The following CADPS variants were observed in gnomAD, a reference collection of about 807,000 sequenced individuals.
CADPS encodes calcium dependent secretion activator.
Under a neutral mutation model 167.3 loss-of-function variants are expected in CADPS, and 57 were observed. The observed-to-expected ratio is 0.34, with a 90% confidence interval of 0.28 to 0.42. The LOEUF is 0.42. Among genes scored for constraint, CADPS ranks in the 20% least tolerant of loss-of-function variants. The probability of loss-of-function intolerance (pLI) is 1.00; values close to 1 mark genes in which losing one functional copy is unlikely to be tolerated. For missense variants in CADPS, 1,414 were observed against 1,738.1 expected (o/e 0.81, Z 3.32); for synonymous variants, 676 against 635.3 (o/e 1.06, Z -0.96).
intron 1 of CADPS, among the ~76,000 whole-genome samples, chr3:62,813,195 C>T (rs1486159300): frequency 6.6e-6 from 1 of 152,062 alleles, no homozygotes; most frequent in African/African-American, 2.4e-5. Context: ...GGATGAATCA[C>T]ATTACCTGAC....
rs545608843 is a variant in CADPS, at chr3:62,665,541, G to C, written c.889-3147C>G. 3.4e-3 allele frequency among the ~76,000 whole-genome samples: 520 copies of C among 152,264 alleles called. 1 individual carries two copies. The highest frequency in any genetic ancestry group is 5.8e-3 in the Non-Finnish European group (396 of 68,034). On this transcript the variant is annotated intron_variant, in intron 3 of 29. Coordinates refer to ENST00000383710, the MANE Select transcript of CADPS (RefSeq NM_003716.4). Reference sequence around the variant, plus strand: ...CATTATGTTGGCTTCATACTTAAGTGCCTTGTTTGGTTTTCTAATTGATCC... The same window carrying C: ...CATTATGTTGGCTTCATACTTAAGTCCCTTGTTTGGTTTTCTAATTGATCC...
At chr3:62,589,971 C>T (rs1286490629) in intron 7 of CADPS, among the ~76,000 whole-genome samples, 1 of 152,082 alleles carries the variant, frequency 6.6e-6, no homozygotes, top group Non-Finnish European at 1.5e-5. Context: ...GGGCGGATCA[C>T]TTCAGGTTAG....
At chr3:62,873,923 A>G (rs985685881) in intron 1 of CADPS, among the ~76,000 whole-genome samples, 2 of 152,168 alleles carry the variant, frequency 1.3e-5, no homozygotes, top group African/African-American at 4.8e-5. Context: ...TGAGAACTCC[A>G]GCCATAAGGA....
At chr3:62,538,290 C>T (rs192761109) in intron 11 of CADPS, among the ~76,000 whole-genome samples, 127 of 152,206 alleles carry the variant, frequency 8.3e-4, no homozygotes, top group African/African-American at 2.5e-3. Context: ...GGAAAGCTAG[C>T]TGCTTCTAGG....
At position 62,682,355 on chromosome 3, in the gene CADPS, G is replaced by A. The variant is rs78852778; in HGVS notation, c.889-19961C>T. On this transcript the variant is annotated intron_variant, in intron 3 of 29. Transcript: ENST00000383710. ...TGACCAGAAAATGCCAGAATGGACT[G>A]GAGCTTAATTGGGAGTTCTTGCAAG... Among the ~76,000 whole-genome samples the A allele has an allele frequency of 4.7e-4, 71 of 152,162 alleles. No individual in the cohort carries two copies. In the East Asian group the frequency reaches 0.013, roughly 29 times the overall value.
chr3:62,466,127 T>A (rs1039492858), intron 25 of CADPS, among the ~76,000 whole-genome samples: 3 of 152,204 alleles, frequency 2.0e-5, no homozygotes, highest in Non-Finnish European at 4.4e-5. Context: ...AAATTCTTAT[T>A]AAGTTAACAT....
chr3:62,840,492 T>A lies in CADPS; in HGVS notation c.441+34097A>T, dbSNP rs922041592. Reference sequence around the variant, plus strand: ...TAAATGAAAACTTAGTTTTTTGAACTGACATATGTCTATTTTTGAGGACTC... The same window carrying A: ...TAAATGAAAACTTAGTTTTTTGAACAGACATATGTCTATTTTTGAGGACTC... On this transcript the variant is annotated intron_variant, in intron 1 of 29. Coordinates refer to ENST00000383710, the MANE Select transcript of CADPS (RefSeq NM_003716.4). Among the ~76,000 whole-genome samples, 5 of 152,288 alleles carry A rather than the reference T, an allele frequency of 3.3e-5. No individual in the cohort carries two copies. In the South Asian group the frequency reaches 8.3e-4, roughly 25 times the overall value.
intron 3 of CADPS, among the ~76,000 whole-genome samples, chr3:62,698,984 G>C (rs1171641540): frequency 6.6e-6 from 1 of 151,680 alleles, no homozygotes; most frequent in Non-Finnish European, 1.5e-5. Flanking sequence ...ACTTCAGTAG[G>C]TTTTTGGGGA....
intron 1 of CADPS, among the ~76,000 whole-genome samples, chr3:62,808,067 G>C (rs1403508193): frequency 6.6e-6 from 1 of 151,728 alleles, no homozygotes; most frequent in African/African-American, 2.4e-5. Flanking sequence ...TAGAGATGGG[G>C]TTTCACTATG....
At chr3:62,669,832 G>A (rs184291054) in intron 3 of CADPS, among the ~76,000 whole-genome samples, 52 of 152,280 alleles carry the variant, frequency 3.4e-4, no homozygotes, top group African/African-American at 1.3e-3. Context: ...GTAAATCTTA[G>A]CAGCCATTAG....
At chr3:62,655,882 T>C (rs542681178) in intron 4 of CADPS, among the ~76,000 whole-genome samples, 9 of 151,942 alleles carry the variant, frequency 5.9e-5, no homozygotes, top group African/African-American at 1.9e-4. Flanking sequence ...CGAGAGGTGA[T>C]GGTATGGGGG....
intron 13 of CADPS, among the ~76,000 whole-genome samples, chr3:62,521,240 G>A (rs1312504265): frequency 6.6e-6 from 1 of 152,108 alleles, no homozygotes; most frequent in East Asian, 1.9e-4. Context: ...ATATTAGGTG[G>A]GTGGTTCTTC....
chr3:62,460,120 C>T (rs1529185), intron 26 of CADPS, among the ~76,000 whole-genome samples: 151,646 of 152,338 alleles, frequency 1, 75,478 homozygotes, highest in East Asian at 1. Context: ...AATAACTATG[C>T]GACTTTGACA....
chr3:62,756,344 G>A (rs1307331098), intron 2 of CADPS, among the ~76,000 whole-genome samples: 1 of 152,212 alleles, frequency 6.6e-6, no homozygotes, highest in African/African-American at 2.4e-5. Flanking sequence ...TGGGATTACA[G>A]GCGTGAGCCA....
intron 8 of CADPS, 113 bp downstream of exon 8, chr3:62,585,071 TC>T (rs2084301675): frequency 1.0e-6 from 1 of 970,558 alleles, no homozygotes; most frequent in Non-Finnish European, 1.5e-6. Flanking sequence ...TAATATGAAT[TC>T]TTTATATTTC....
intron 3 of CADPS, among the ~76,000 whole-genome samples, chr3:62,701,432 G>A (rs957731780): frequency 1.8e-4 from 27 of 151,710 alleles, no homozygotes; most frequent in South Asian, 1.3e-3. Flanking sequence ...TGTGACCACT[G>A]AGGAGTCTCT....
intron 1 of CADPS, among the ~76,000 whole-genome samples, chr3:62,870,847 G>A (rs548658887): frequency 4.6e-5 from 7 of 152,172 alleles, no homozygotes; most frequent in Admixed American, 1.3e-4. Context: ...ACCCATCACC[G>A]TTACTACATA....
chr3:62,704,941 A>T (rs535076769), intron 3 of CADPS, among the ~76,000 whole-genome samples: 1 of 152,114 alleles, frequency 6.6e-6, no homozygotes, highest in African/African-American at 2.4e-5. Context: ...AATGCCCCCA[A>T]TGGAGTCAAC....
At chr3:62,690,544 T>C (rs2151275395) in intron 3 of CADPS, among the ~76,000 whole-genome samples, 1 of 151,914 alleles carries the variant, frequency 6.6e-6, no homozygotes, top group East Asian at 2.0e-4. Context: ...CTCATCTGTG[T>C]TAAGTTAAAA....
Sources: allele counts gnomAD v4.1 joint callset (sites outside exome capture counted in the v4.1 genomes callset), GRCh38; gene constraint gnomAD v4.1.1; transcripts MANE v1.5; gene names NCBI Gene and HGNC (gene_info 2026-07-23, HGNC 2026-07-21).